ZBTB40: variants seen among roughly 807,000 people sequenced by gnomAD.
ZBTB40 encodes the protein zinc finger and BTB domain containing 40, also known as zinc finger and BTB domain-containing protein 40.
In ZBTB40, 60 loss-of-function variants were observed where a neutral mutation model predicts 117.5. The observed-to-expected ratio is 0.51, with a 90% CI of 0.41 to 0.63. The LOEUF is 0.63. Ranked by LOEUF, ZBTB40 falls within the 30% of genes least tolerant of loss-of-function variation. ZBTB40 has a pLI of 0.00. For missense variants in ZBTB40, 1,287 were observed against 1,498.5 expected, an observed-to-expected ratio of 0.86 and a Z score of 2.33; for synonymous variants, 525 against 577.1, an observed-to-expected ratio of 0.91 and a Z score of 1.29.
intron 1 of ZBTB40, among the ~76,000 whole-genome samples, chr1:22,435,458 T>C (rs1640657921): frequency 6.6e-6 from 1 of 152,216 alleles, no homozygotes. Flanking sequence ...TACTTCTTTT[T>C]CCTTCCCCCA....
At chr1:22,495,060 C>T (rs1164711733) in intron 3 of ZBTB40, among the ~76,000 whole-genome samples, 5 of 152,164 alleles carry the variant, frequency 3.3e-5, no homozygotes, top group South Asian at 4.1e-4. Context: ...TTAATCTTAA[C>T]TTGAGAACAG....
rs552328197 is a variant in ZBTB40, at chr1:22,502,377, T to C, written c.1103T>C (p.Leu368Pro). The C allele has an allele frequency of 6.6e-5, 106 of 1,613,970 alleles. No individual in the cohort carries two copies. Among genetic ancestry groups the C allele is most frequent in the Non-Finnish European group, 8.1e-5 (95 of 1,179,948 alleles). Residue 368 changes from leucine to proline, a missense_variant, in exon 5 of 18, where the codon CTG (leucine) becomes CCG (proline). Transcript: ENST00000375647. The stretch of plus-strand genomic sequence containing the variant: ...GACCTGATACAGTGTGTAACACAGC[T>C]GAGACCTATTATGGAGTCCCTGGAA... ...KEDLIQCVTQLRPIMESLETA... is the reference protein window; with the variant it reads ...KEDLIQCVTQPRPIMESLETA...
Position 22,502,366 on chromosome 1 carries a change from T to G in ZBTB40, c.1092T>G (p.Cys364Trp). The change falls in exon 5 of 18, where the codon TGT becomes TGG. Residue 364 changes from cysteine to tryptophan, a missense_variant. Physicochemically the swap from Cys to Trp is radical, Grantham distance 215 (BLOSUM62 -2). Around this residue, in one of 2 missense-constraint regions of ZBTB40, gnomAD observed 870 missense variants for 934.4 expected, o/e 0.93. Coordinates refer to ENST00000375647, the MANE Select transcript of ZBTB40 (RefSeq NM_014870.4). The stretch of plus-strand genomic sequence containing the variant: ...AACACAAAGAGGACCTGATACAGTG[T>G]GTAACACAGCTGAGACCTATTATGG... ...LLEHKEDLIQ[C>W]VTQLRPIMES... 6.2e-7 allele frequency: 1 copy of G among 1,614,084 alleles called. No individual in the cohort carries two copies.
At position 22,513,173 on chromosome 1, in the gene ZBTB40, C is replaced by A; in HGVS notation, c.2668+43C>A. On this transcript the variant is annotated intron_variant, in intron 12 of 17. Coordinates refer to ENST00000375647, the MANE Select transcript of ZBTB40 (RefSeq NM_014870.4). This position sits in a 1 kb window ranked among gnomAD's most constrained non-coding sequence, Gnocchi z 4.9. ...TCATTTCTCCTGCAGACTTTCACTG[C>A]GAACTGCCTAAACCCCATTTGGATT... is the stretch of plus-strand genomic sequence containing the variant. 2.5e-6 allele frequency: 4 copies of A among 1,593,742 alleles called. No homozygotes were observed. In the South Asian group the frequency reaches 3.4e-5, roughly 13 times the overall value.
At chr1:22,490,832 C>T (rs1315763315) in intron 2 of ZBTB40, among the ~76,000 whole-genome samples, 187 bp downstream of exon 2, 1 of 152,178 alleles carries the variant, frequency 6.6e-6, no homozygotes, top group Non-Finnish European at 1.5e-5. Context: ...ACATGAACTA[C>T]AGAGCAGAAA....
chr1:22,504,892 C>G (rs1009299199), intron 5 of ZBTB40, among the ~76,000 whole-genome samples: 3 of 152,152 alleles, frequency 2.0e-5, no homozygotes, highest in Non-Finnish European at 4.4e-5. Flanking sequence ...GCTTAGGAAC[C>G]AAGATTTAGC....
At chr1:22,437,424 C>CTTTTTT (rs755956667) in intron 1 of ZBTB40, among the ~76,000 whole-genome samples, 4 of 141,304 alleles carry the variant, frequency 2.8e-5, no homozygotes, top group African/African-American at 2.6e-5. Context: ...AACTTATCAT[C>CTTTTTT]TTTTTTTTTT....
At chr1:22,520,733 C>T (rs925301263) in intron 14 of ZBTB40, among the ~76,000 whole-genome samples, 2 of 152,046 alleles carry the variant, frequency 1.3e-5, no homozygotes, top group African/African-American at 4.8e-5. Flanking sequence ...AAAGTGAAGC[C>T]CCATATAGAA....
At chr1:22,475,352 C>T (rs998285364) in intron 1 of ZBTB40, among the ~76,000 whole-genome samples, 4 of 152,150 alleles carry the variant, frequency 2.6e-5, no homozygotes, top group Non-Finnish European at 5.9e-5. Flanking sequence ...ATGCTCCATA[C>T]TTCCTCTTAC....
intron 11 of ZBTB40, 104 bp downstream of exon 11, chr1:22,512,238 C>T: frequency 7.7e-7 from 1 of 1,300,468 alleles, no homozygotes; most frequent in Non-Finnish European, 1.1e-6. Context: ...TGTGGGTGGG[C>T]TTAGAAAATA....
chr1:22,482,245 G>T (rs1569819328), intron 1 of ZBTB40, among the ~76,000 whole-genome samples: 1 of 152,172 alleles, frequency 6.6e-6, no homozygotes, highest in African/African-American at 2.4e-5. Flanking sequence ...TAGGTACATG[G>T]TATAGAAGGG....
In ZBTB40 at chr1:22,492,178, G is replaced by A. The variant is rs149125555; in HGVS notation, c.831+645G>A. On this transcript the variant is annotated intron_variant, in intron 3 of 17. Transcript: ENST00000375647. ...GGTCACAGAGCTCATATGACCCTGA[G>A]CCAGAATTGAAACCTCAGCATTCTA... is the stretch of plus-strand genomic sequence containing the variant. Among the ~76,000 whole-genome samples the A allele has an allele frequency of 4.8e-4, 73 of 152,268 alleles. 2 individuals carry two copies. The East Asian group carries it at 0.013, about 27-fold the overall frequency.
rs1639764799 is a variant in ZBTB40 at position 22,529,205 on chromosome 1, G to A, written c.*2809G>A. On this transcript the variant is annotated 3_prime_UTR_variant, in exon 18 of 18. Coordinates refer to ENST00000375647, the MANE Select transcript of ZBTB40 (RefSeq NM_014870.4). The stretch of plus-strand genomic sequence containing the variant: ...ATTGCTGCCATAGAGGACAGTGTTT[G>A]TGTGGTCTCCTGAGTCCACATCGCT... 6.6e-6 allele frequency: 1 copy of A among 152,398 alleles called. No homozygotes were observed. The highest frequency in any genetic ancestry group is 1.5e-5 in the Non-Finnish European group (1 of 68,080). The allele number at this position is 152,398 out of a possible 1,614,324, so 9.4% of individuals were successfully genotyped here.
rs150158117 is a variant in ZBTB40, at chr1:22,511,882, A to G, written c.2209A>G (p.Ile737Val). ...ASPDPAKKSF[I>V]CKACDKSFHF... ...CCCAGACCCTGCCAAGAAGAGCTTCATCTGTAAGGCCTGCGACAAAAGCTT... is the reference window on the plus strand; with the variant it reads ...CCCAGACCCTGCCAAGAAGAGCTTCGTCTGTAAGGCCTGCGACAAAAGCTT... The change falls in exon 11 of 18, where the codon ATC becomes GTC. Residue 737 changes from isoleucine to valine, a missense_variant. Ile to Val is a conservative substitution (Grantham distance 29). This residue lies in a region of ZBTB40 where 870 missense variants were observed against 934.4 expected (regional missense o/e 0.93). Coordinates refer to ENST00000375647, the MANE Select transcript of ZBTB40 (RefSeq NM_014870.4). 1.2e-6 allele frequency: 2 copies of G among 1,614,222 alleles called. No homozygotes were observed. Among genetic ancestry groups the G allele is most frequent in the South Asian group, 2.2e-5 (2 of 91,082 alleles).
Position 22,526,443 on chromosome 1 carries a change from A to C in ZBTB40, c.*47A>C, listed in dbSNP as rs370944121. 1 of 1,610,502 alleles carries C rather than the reference A, an allele frequency of 6.2e-7. No individual in the cohort carries two copies. Among genetic ancestry groups the C allele is most frequent in the Non-Finnish European group, 8.5e-7 (1 of 1,179,162 alleles). ...CCTTCCTGCGTTTGCAGCAGAGAGG[A>C]GGCCCCACAGCTTGCCCTTTGCCCT... On this transcript the variant is annotated 3_prime_UTR_variant, in exon 18 of 18. Coordinates refer to ENST00000375647, the MANE Select transcript of ZBTB40 (RefSeq NM_014870.4).
intron 7 of ZBTB40, 27 bp downstream of exon 7, chr1:22,508,164 G>A (rs757567954): frequency 3.8e-5 from 62 of 1,611,616 alleles, no homozygotes; most frequent in Non-Finnish European, 7.6e-6. Flanking sequence ...AACAGAGGGA[G>A]GGGAGGGTAA....
Position 22,530,946 on chromosome 1 carries a change from G to C in ZBTB40, c.*4550G>C, listed in dbSNP as rs947498089. The C allele has an allele frequency of 6.6e-6, 1 of 152,088 alleles. No individual in the cohort carries two copies. The highest frequency in any genetic ancestry group is 1.5e-5 in the Non-Finnish European group (1 of 68,016). 9.4% of individuals were successfully genotyped at this position (152,088 alleles called of 1,614,324 possible). A position where few individuals can be genotyped will look rare whatever the true frequency, so the allele number is the denominator to read the frequency against. ...AGCACAGGCTTTGGTGTCCAGCCTG[G>C]GTACATCCAGCTGTCCCGCTGTCTA... is the stretch of plus-strand genomic sequence containing the variant. On this transcript the variant is annotated 3_prime_UTR_variant, in exon 18 of 18. Transcript: ENST00000375647.
In ZBTB40 at chr1:22,511,138, T is replaced by A. The variant is rs571386515; in HGVS notation, c.1834-41T>A. 3.2e-5 allele frequency: 50 copies of A among 1,550,238 alleles called. No homozygotes were observed. The African/African-American group carries it at 3.5e-4, about 11-fold the overall frequency. On this transcript the variant is annotated intron_variant, in intron 9 of 17. Transcript: ENST00000375647. ...GTTGAAAACCATGGGGAAAATCTGCTGAGATTAACCCCACACCTTTGTCTC... is the reference window on the plus strand; with the variant it reads ...GTTGAAAACCATGGGGAAAATCTGCAGAGATTAACCCCACACCTTTGTCTC...
rs1230204580 is a variant in ZBTB40 at position 22,513,120 on chromosome 1, G to A, written c.2658G>A (p.Lys886=). ...CCCTGGCCTATCACACCAAGAAGAA[G>A]CACTCAGAAGGTAAGGCGGGGCACA... ...ASALAYHTKK[K]HSEGKMYACQ... Residue 886 remains lysine (K), a synonymous_variant, in exon 12 of 18, where the codon AAG becomes AAA. Transcript: ENST00000375647. The surrounding 1 kb of genome is among the most constrained non-coding windows in gnomAD (Gnocchi z 4.9). 1.2e-6 allele frequency: 2 copies of A among 1,613,850 alleles called. No individual in the cohort carries two copies. Among genetic ancestry groups the A allele is most frequent in the Non-Finnish European group, 1.7e-6 (2 of 1,179,974 alleles).
Sources: gnomAD v4.1 joint callset for allele counts (sites outside exome capture counted in the v4.1 genomes callset) on GRCh38, gnomAD v4.1.1 for gene constraint, gnomAD v4.1.1 regional missense constraint, Gnocchi (gnomAD v3.1) non-coding constraint, MANE v1.5 for transcripts, NCBI Gene and HGNC (gene_info 2026-07-23, HGNC 2026-07-21) for gene names.